Variants in F8 observed in about 807,000 individuals in gnomAD.
F8 encodes coagulation factor VIII, also known as antihemophilic factor.
A neutral mutation model predicts 140.6 loss-of-function variants in F8; 12 were observed. The ratio of observed to expected loss-of-function variants is 0.09; its 90% confidence interval spans 0.05 to 0.14. The LOEUF (loss-of-function observed/expected upper bound fraction) is 0.14. Among genes scored for constraint, F8 ranks in the 10% least tolerant of loss-of-function variants. The pLI is 1.00. For missense variants in F8, 1,354 were observed against 1,720.7 expected, an observed-to-expected ratio of 0.79 and a Z score of 3.77; for synonymous variants, 585 against 614.6, an observed-to-expected ratio of 0.95 and a Z score of 0.71.
rs28773884 is a variant in F8, at chrX:154,872,555, G to C, written c.6430-9328C>G. ...ACACGCTGGGGCCTGTTGGGGGGTGGGGGGCTAGGGGAGGGATAACATTAG... is the reference window on the plus strand; with the variant it reads ...ACACGCTGGGGCCTGTTGGGGGGTGCGGGGCTAGGGGAGGGATAACATTAG... On this transcript the variant is annotated intron_variant, in intron 22 of 25. Coordinates refer to ENST00000360256, the MANE Select transcript of F8 (RefSeq NM_000132.4). Among the ~76,000 whole-genome samples the C allele has an allele frequency of 3.7e-5, 4 of 108,077 alleles. No homozygotes were observed. In the East Asian group the frequency reaches 1.2e-3, roughly 31 times the overall value. The allele number at this position is 108,077 out of a possible 115,157, so 93.9% of individuals were successfully genotyped here. A position where few individuals can be genotyped will look rare whatever the true frequency, so the allele number is the denominator to read the frequency against.
intron 25 of F8, among the ~76,000 whole-genome samples, chrX:154,859,308 T>TC (rs782750130): frequency 2.2e-3 from 239 of 106,832 alleles, no homozygotes; most frequent in Non-Finnish European, 3.9e-3. Context: ...TATTTTCTTT[T>TC]TTTTTTTTTT....
chrX:155,022,538 G>C lies in F8; in HGVS notation c.15C>G (p.Leu5=). The C allele has an allele frequency of 8.3e-7, 1 of 1,211,962 alleles. No homozygotes were observed. The highest frequency in any genetic ancestry group is 1.1e-6 in the Non-Finnish European group (1 of 895,472). MQIE[L]STCFFLCLLR... Reference sequence around the variant, plus strand: ...AAAGGCACAGAAAGAAGCAGGTGGAGAGCTCTATTTGCATGACTTATTGCT... The same window carrying C: ...AAAGGCACAGAAAGAAGCAGGTGGACAGCTCTATTTGCATGACTTATTGCT... The change falls in exon 1 of 26, where the codon CTC becomes CTG. Residue 5 remains leucine (L), a synonymous_variant. Coordinates refer to ENST00000360256, the MANE Select transcript of F8 (RefSeq NM_000132.4).
chrX:154,856,732 T>C (rs1426466308), intron 25 of F8, among the ~76,000 whole-genome samples: 12 of 112,173 alleles, frequency 1.1e-4, no homozygotes, highest in Non-Finnish European at 1.9e-4. Context: ...CCAAGAATAC[T>C]GCCACTCTTT....
intron 9 of F8, among the ~76,000 whole-genome samples, chrX:154,964,032 A>C (rs1165207066): frequency 7.2e-5 from 8 of 110,862 alleles, no homozygotes; most frequent in Admixed American, 6.7e-4. Flanking sequence ...TTACCTTTTA[A>C]AAATCAAGGT....
At chrX:154,842,834 A>T (rs1358928097) in intron 25 of F8, among the ~76,000 whole-genome samples, 1 of 111,604 alleles carries the variant, frequency 9.0e-6, no homozygotes, top group Non-Finnish European at 1.9e-5. Context: ...TCTAGGGTAC[A>T]TGTGCACAAC....
chrX:154,892,080 G>A (rs138960991), intron 22 of F8, among the ~76,000 whole-genome samples: 9 of 111,462 alleles, frequency 8.1e-5, no homozygotes, highest in African/African-American at 2.9e-4. Context: ...TCCATCTCAG[G>A]CCTCAGAGTT....
At chrX:154,989,059 A>G (rs1301349892) in intron 4 of F8, among the ~76,000 whole-genome samples, 3 of 111,153 alleles carry the variant, frequency 2.7e-5, no homozygotes, top group Non-Finnish European at 5.7e-5. Context: ...GATTTTCTCT[A>G]TTTATGGTTT....
At chrX:155,018,986 TCTA>T (rs1274725881) in intron 1 of F8, among the ~76,000 whole-genome samples, 1 of 112,225 alleles carries the variant, frequency 8.9e-6, no homozygotes, top group African/African-American at 3.2e-5. Context: ...GTAGTGAAAA[TCTA>T]CTAAGAATAG....
chrX:154,941,641 G>T (rs1198334317), intron 13 of F8, among the ~76,000 whole-genome samples: 1 of 110,762 alleles, frequency 9.0e-6, no homozygotes, highest in African/African-American at 3.3e-5. Context: ...CTCAGGAATT[G>T]AACTCAGCTC....
chrX:154,949,047 G>A (rs1259439167), intron 12 of F8, among the ~76,000 whole-genome samples: 1 of 111,780 alleles, frequency 8.9e-6, no homozygotes, highest in Admixed American at 9.5e-5. Context: ...CAGCTAGTTG[G>A]TAAATGATAA....
intron 14 of F8, 54 bp downstream of exon 14, chrX:154,928,517 G>A (rs967811577): frequency 2.4e-5 from 25 of 1,050,978 alleles, no homozygotes; most frequent in Non-Finnish European, 3.3e-5. Context: ...GTCATCATCT[G>A]GTAAAGTCAA....
At chrX:154,921,992 A>G (rs1557277607) in intron 14 of F8, among the ~76,000 whole-genome samples, 1 of 111,770 alleles carries the variant, frequency 8.9e-6, no homozygotes. Context: ...ACAAACCTGC[A>G]GGTTGTGCAC....
intron 25 of F8, among the ~76,000 whole-genome samples, chrX:154,849,074 C>T (rs1026484228): frequency 1.5e-4 from 17 of 111,283 alleles, no homozygotes; most frequent in Admixed American, 3.8e-4. Flanking sequence ...CCCGAGTTCA[C>T]GCCATTCTCC....
chrX:154,966,896 G>A (rs2073427817), intron 7 of F8, among the ~76,000 whole-genome samples: 1 of 110,100 alleles, frequency 9.1e-6, no homozygotes, highest in Admixed American at 9.7e-5. Context: ...GAGGAGACAT[G>A]TCACATGGTG....
At chrX:154,876,479 AT>A (rs2072817828) in intron 22 of F8, among the ~76,000 whole-genome samples, 1 of 111,910 alleles carries the variant, frequency 8.9e-6, no homozygotes, top group Non-Finnish European at 1.9e-5. Context: ...AATAGAAAAT[AT>A]TAATAAATTT....
intron 14 of F8, among the ~76,000 whole-genome samples, chrX:154,921,605 A>C (rs2073131013): frequency 9.0e-6 from 1 of 111,594 alleles, no homozygotes; most frequent in African/African-American, 3.3e-5. Context: ...CACTATTCAC[A>C]ATAGCAAAGA....
intron 1 of F8, among the ~76,000 whole-genome samples, chrX:155,018,492 GA>G (rs1161307086): frequency 0.018 from 1,591 of 87,242 alleles, 28 homozygotes; most frequent in Admixed American, 0.092. Flanking sequence ...ATACCAACTA[GA>G]AAAAAAAAAA....
At chrX:154,993,498 C>T (rs971525791) in intron 3 of F8, among the ~76,000 whole-genome samples, 5 of 111,323 alleles carry the variant, frequency 4.5e-5, no homozygotes, top group Non-Finnish European at 9.4e-5. Flanking sequence ...GTGATCCACC[C>T]GCCTCAGCCT....
At chrX:154,971,887 T>C (rs1197880495) in intron 6 of F8, among the ~76,000 whole-genome samples, 1 of 112,513 alleles carries the variant, frequency 8.9e-6, no homozygotes, top group Non-Finnish European at 1.9e-5. Context: ...TAGTATTCCA[T>C]TGTGTATCTA....
Sources: allele counts gnomAD v4.1 joint callset (sites outside exome capture counted in the v4.1 genomes callset), GRCh38; gene constraint gnomAD v4.1.1; transcripts MANE v1.5; gene names NCBI Gene and HGNC (gene_info 2026-07-23, HGNC 2026-07-21).